TMCO4: variants seen among roughly 807,000 people sequenced by gnomAD.
TMCO4 encodes the protein transmembrane and coiled-coil domains 4, also known as transmembrane and coiled-coil domain-containing protein 4.
TMCO4 carries 58 observed loss-of-function variants against 64.7 expected under a neutral mutation model. The ratio of observed to expected loss-of-function variants is 0.90; its 90% confidence interval spans 0.73 to 1.12. The LOEUF is 1.12. Ranked by LOEUF, TMCO4 falls within the 50% of genes most tolerant of loss-of-function variation. The probability of loss-of-function intolerance (pLI) is 0.00; values close to 1 mark genes in which losing one functional copy is unlikely to be tolerated. For missense variants in TMCO4, 780 were observed against 825.9 expected, an observed-to-expected ratio of 0.94 and a Z score of 0.68; for synonymous variants, 325 against 346.1, an observed-to-expected ratio of 0.94 and a Z score of 0.68.
chr1:19,684,741 G>A (rs2095133182), intron 15 of TMCO4, among the ~76,000 whole-genome samples: 1 of 152,190 alleles, frequency 6.6e-6, no homozygotes, highest in South Asian at 2.1e-4. Flanking sequence ...GAATAGCACT[G>A]TGACTAGTTT....
intron 6 of TMCO4, among the ~76,000 whole-genome samples, chr1:19,757,664 G>A (rs1289125872): frequency 6.6e-6 from 1 of 152,048 alleles, no homozygotes; most frequent in Non-Finnish European, 1.5e-5. Context: ...TTGGGGGTCT[G>A]TGATCGCTTA....
intron 2 of TMCO4, 133 bp downstream of exon 2, chr1:19,798,003 GA>G: frequency 1.1e-5 from 2 of 175,814 alleles, no homozygotes; most frequent in Non-Finnish European, 2.2e-5. Flanking sequence ...GAAAAGAAAA[GA>G]AAAGAAAAGA....
chr1:19,745,831 C>T (rs552060871), intron 9 of TMCO4, among the ~76,000 whole-genome samples, 180 bp from the exon 10 acceptor site: 10 of 152,286 alleles, frequency 6.6e-5, no homozygotes, highest in African/African-American at 9.6e-5. Flanking sequence ...TGATTACAGA[C>T]GAAAGCAAGA....
intron 3 of TMCO4, among the ~76,000 whole-genome samples, chr1:19,781,337 C>A (rs1428348957): frequency 2.0e-5 from 3 of 151,796 alleles, no homozygotes. Context: ...CATGGTGGCA[C>A]ACGCCTGTAG....
intron 11 of TMCO4, among the ~76,000 whole-genome samples, chr1:19,740,208 C>T (rs1342059302): frequency 6.6e-6 from 1 of 152,226 alleles, no homozygotes; most frequent in Non-Finnish European, 1.5e-5. Flanking sequence ...ACCCTGTACC[C>T]TCCCACTTTG....
At chr1:19,745,478 G>A (rs527684926) in intron 10 of TMCO4, 54 bp downstream of exon 10, 1 of 1,611,942 alleles carries the variant, frequency 6.2e-7, no homozygotes, top group East Asian at 2.2e-5. Flanking sequence ...CCCAGGGTCT[G>A]GCCCAGGCCA....
intron 13 of TMCO4, among the ~76,000 whole-genome samples, chr1:19,726,919 A>G (rs1400397473): frequency 6.6e-6 from 1 of 152,362 alleles, no homozygotes; most frequent in East Asian, 1.9e-4. Flanking sequence ...AGGGATTCCC[A>G]CGGGAGATCA....
In TMCO4 at chr1:19,683,325, G is replaced by C. The variant is rs150405344; in HGVS notation, c.1620C>G (p.Ser540=). 6.2e-7 allele frequency: 1 copy of C among 1,613,956 alleles called. No individual in the cohort carries two copies. Among genetic ancestry groups the C allele is most frequent in the Non-Finnish European group, 8.5e-7 (1 of 1,179,944 alleles). The change falls in exon 16 of 16, where the codon TCC becomes TCG. Residue 540 remains serine, a synonymous_variant. Coordinates refer to ENST00000294543, the MANE Select transcript of TMCO4 (RefSeq NM_181719.7). ...CAGCTGCTGCCTGGCGAGGCTCCTCGGAGGGCAGGCAGCCTGGGGCCAGCA... is the reference window on the plus strand; with the variant it reads ...CAGCTGCTGCCTGGCGAGGCTCCTCCGAGGGCAGGCAGCCTGGGGCCAGCA... ...GLLLAPGCLP[S]EEPRQAAAAA... is the part of the protein sequence containing the mutation.
intron 3 of TMCO4, among the ~76,000 whole-genome samples, chr1:19,784,264 T>A (rs1160095094): frequency 1.3e-5 from 2 of 152,214 alleles, no homozygotes; most frequent in Non-Finnish European, 2.9e-5. Context: ...CTGGGCGCGG[T>A]AGCTCACGCC....
At chr1:19,739,345 G>C (rs189012254) in intron 12 of TMCO4, among the ~76,000 whole-genome samples, 1 of 152,318 alleles carries the variant, frequency 6.6e-6, no homozygotes, top group East Asian at 1.9e-4. Flanking sequence ...TCACAAAGTA[G>C]CTTTATACTT....
chr1:19,695,167 C>G (rs2095227834), intron 14 of TMCO4, among the ~76,000 whole-genome samples: 1 of 152,188 alleles, frequency 6.6e-6, no homozygotes, highest in Non-Finnish European at 1.5e-5. Flanking sequence ...TGGGAACATT[C>G]CTCTACTTTC....
At chr1:19,785,217 T>C (rs1312048933) in intron 3 of TMCO4, among the ~76,000 whole-genome samples, 1 of 152,224 alleles carries the variant, frequency 6.6e-6, no homozygotes, top group African/African-American at 2.4e-5. Context: ...GGCTACAGTA[T>C]TAGGTTGGTG....
chr1:19,733,718 T>C lies in TMCO4; in HGVS notation c.1264+3654A>G, dbSNP rs139069760. 4.2e-4 allele frequency among the ~76,000 whole-genome samples: 64 copies of C among 152,216 alleles called. No homozygotes were observed. In the East Asian group the frequency reaches 6.8e-3, roughly 16 times the overall value. On this transcript the variant is annotated intron_variant, in intron 13 of 15. Transcript: ENST00000294543. ...ATTACTGGTAGACTGGAAAGACAGA[T>C]GAGCAAGCAGGGAGGTATAACAGGG...
intron 13 of TMCO4, among the ~76,000 whole-genome samples, chr1:19,706,203 C>T (rs1386049784): frequency 6.6e-6 from 1 of 152,170 alleles, no homozygotes; most frequent in African/African-American, 2.4e-5. Context: ...CCGCATCTGG[C>T]CCAGGTACCA....
chr1:19,790,266 G>A (rs2043964332), intron 2 of TMCO4, among the ~76,000 whole-genome samples: 1 of 152,078 alleles, frequency 6.6e-6, no homozygotes, highest in South Asian at 2.1e-4. Context: ...AGGCACAGAT[G>A]TTATGACGAA....
intron 13 of TMCO4, among the ~76,000 whole-genome samples, chr1:19,733,262 G>A (rs746513241): frequency 2.0e-5 from 3 of 151,642 alleles, no homozygotes; most frequent in Admixed American, 6.6e-5. Context: ...GCGAAACTCC[G>A]TCTCAAAAAA....
In TMCO4 at chr1:19,780,768, T is replaced by G; in HGVS notation, c.-8-2A>C. 6.4e-7 allele frequency: 1 copy of G among 1,554,230 alleles called. No homozygotes were observed. The highest frequency in any genetic ancestry group is 8.7e-7 in the Non-Finnish European group (1 of 1,154,578). On this transcript the variant is annotated splice_acceptor_variant, in intron 3 of 15. Transcript: ENST00000294543. LOFTEE classifies it low-confidence loss of function (5UTR_SPLICE). ...TGTTCCACATGGCCATTCCCAGCGC[T>G]GCAGGAGAAAATTCCCAGTGAGAAA...
intron 14 of TMCO4, among the ~76,000 whole-genome samples, chr1:19,699,793 G>A (rs1001300934): frequency 6.6e-6 from 1 of 152,168 alleles, no homozygotes; most frequent in African/African-American, 2.4e-5. Flanking sequence ...CACAAAGCAT[G>A]TATGTACCAT....
chr1:19,779,066 A>T (rs1441105631), intron 4 of TMCO4, among the ~76,000 whole-genome samples: 1 of 152,176 alleles, frequency 6.6e-6, no homozygotes, highest in East Asian at 1.9e-4. Context: ...AGACAGAAAA[A>T]CAAAAACCCC....
Sources: gnomAD v4.1 joint callset for allele counts (sites outside exome capture counted in the v4.1 genomes callset) on GRCh38, gnomAD v4.1.1 for gene constraint, MANE v1.5 for transcripts, NCBI Gene and HGNC (gene_info 2026-07-23, HGNC 2026-07-21) for gene names.